Variants in CERS6 observed in about 807,000 individuals in gnomAD.
The protein encoded by CERS6 is ceramide synthase 6, also known as LAG1 homolog, ceramide synthase 6.
In CERS6, 26 loss-of-function variants were observed where a neutral mutation model predicts 56.8. That is an observed-to-expected ratio of 0.46 (90% CI 0.34 to 0.63). CERS6 has a LOEUF of 0.63. Ranked by LOEUF, CERS6 falls within the 30% of genes least tolerant of loss-of-function variation. The pLI is 0.01. For synonymous variants in CERS6, 164 were observed against 173.3 expected (o/e 0.95, Z 0.42); for missense variants, 415 against 467.5 (o/e 0.89, Z 1.04).
intron 4 of CERS6, among the ~76,000 whole-genome samples, chr2:168,679,909 A>T (rs949318121): frequency 1.3e-5 from 2 of 152,180 alleles, no homozygotes; most frequent in African/African-American, 4.8e-5. Context: ...GCAGCCTCCT[A>T]TGTGCTTAGA....
chr2:168,570,744 C>T (rs553912208), intron 3 of CERS6, among the ~76,000 whole-genome samples: 28 of 152,090 alleles, frequency 1.8e-4, no homozygotes, highest in Non-Finnish European at 3.7e-4. Context: ...AGCTCTGTTA[C>T]CCCTAGCAAG....
intron 1 of CERS6, among the ~76,000 whole-genome samples, chr2:168,525,483 A>G (rs1695054104): frequency 6.6e-6 from 1 of 152,224 alleles, no homozygotes; most frequent in South Asian, 2.1e-4. Flanking sequence ...GAGAGTCTGC[A>G]TTTTTAATAT....
At chr2:168,566,780 C>A (rs1399313682) in intron 3 of CERS6, among the ~76,000 whole-genome samples, 2 of 134,268 alleles carry the variant, frequency 1.5e-5, no homozygotes, top group South Asian at 2.7e-4. Context: ...AACATGTTTT[C>A]ATAAACAGCC....
chr2:168,647,533 G>A (rs756989509), intron 4 of CERS6, among the ~76,000 whole-genome samples: 13 of 152,000 alleles, frequency 8.6e-5, no homozygotes, highest in South Asian at 2.1e-4. Context: ...TTGCTCTTGC[G>A]AGGACTTCTA....
intron 4 of CERS6, among the ~76,000 whole-genome samples, chr2:168,631,812 T>TA (rs1574114314): frequency 1.6e-5 from 2 of 125,368 alleles, no homozygotes; most frequent in African/African-American, 2.9e-5. Context: ...TATTATATAA[T>TA]TTATTATATA....
At chr2:168,505,398 AAAAG>A (rs1235817294) in intron 1 of CERS6, among the ~76,000 whole-genome samples, 13 of 150,172 alleles carry the variant, frequency 8.7e-5, no homozygotes, top group Non-Finnish European at 1.5e-4. Flanking sequence ...AAAAAAAAAA[AAAAG>A]AAAAAAAAAG....
chr2:168,492,755 GT>G (rs1377237816), intron 1 of CERS6, among the ~76,000 whole-genome samples: 1 of 151,994 alleles, frequency 6.6e-6, no homozygotes, highest in Non-Finnish European at 1.5e-5. Context: ...TAGGTCTTAC[GT>G]TTAAGTTTTC....
chr2:168,747,629 T>C (rs1388950570), intron 8 of CERS6, among the ~76,000 whole-genome samples: 1 of 152,220 alleles, frequency 6.6e-6, no homozygotes, highest in African/African-American at 2.4e-5. Context: ...TTGAGTGGTT[T>C]CATTTTATTT....
intron 4 of CERS6, among the ~76,000 whole-genome samples, chr2:168,645,116 A>AAAAATATAT (rs1553503146): frequency 1.1e-4 from 2 of 19,034 alleles, no homozygotes; most frequent in African/African-American, 1.6e-4. Context: ...AAAAAAAAAA[A>AAAAATATAT]ATATATATAT....
chr2:168,557,386 A>G (rs1695703779), intron 2 of CERS6, among the ~76,000 whole-genome samples: 1 of 152,198 alleles, frequency 6.6e-6, no homozygotes, highest in Admixed American at 6.5e-5. Flanking sequence ...TGAAAATACT[A>G]ACAGGGTTCC....
intron 8 of CERS6, among the ~76,000 whole-genome samples, chr2:168,719,892 G>T (rs1227056819): frequency 6.6e-6 from 1 of 151,782 alleles, no homozygotes; most frequent in Non-Finnish European, 1.5e-5. Context: ...AAGATGAAAG[G>T]TGATATCCAT....
intron 1 of CERS6, among the ~76,000 whole-genome samples, chr2:168,538,091 C>T (rs1695298108): frequency 6.6e-6 from 1 of 152,168 alleles, no homozygotes; most frequent in Non-Finnish European, 1.5e-5. Flanking sequence ...TTGCAGCAGC[C>T]TCCCAGTTAG....
At chr2:168,643,170 C>T (rs1193438465) in intron 4 of CERS6, among the ~76,000 whole-genome samples, 1 of 152,120 alleles carries the variant, frequency 6.6e-6, no homozygotes, top group African/African-American at 2.4e-5. Context: ...CAGCCCCTTC[C>T]ATCCTCACCT....
In CERS6 at chr2:168,620,062, C is replaced by CACACACACACACACATATACATAT. The variant is rs1439012361; in HGVS notation, c.408-10922_408-10921insCACACACACACACATATACATATA. Among the ~76,000 whole-genome samples the CACACACACACACACATATACATAT allele has an allele frequency of 5.3e-4, 37 of 70,024 alleles. 1 individual carries two copies. The highest frequency in any genetic ancestry group is 4.5e-3 in the Admixed American group (32 of 7,174). The allele number at this position is 70,024 out of a possible 152,430, so 45.9% of individuals were successfully genotyped here. On this transcript the variant is annotated intron_variant, in intron 3 of 9. Transcript: ENST00000305747. ...ACACACACACACACACACACACACA[C>CACACACACACACACATATACATAT]ATATTTATATATATATGATCTAATA... is the stretch of plus-strand genomic sequence containing the variant.
chr2:168,465,592 A>T (rs1422616137), intron 1 of CERS6, among the ~76,000 whole-genome samples: 2 of 152,214 alleles, frequency 1.3e-5, no homozygotes, highest in South Asian at 4.1e-4. Flanking sequence ...TACAGCATGA[A>T]TGAGCTTTGA....
chr2:168,557,075 G>A (rs1384008599), intron 2 of CERS6, among the ~76,000 whole-genome samples: 1 of 151,390 alleles, frequency 6.6e-6, no homozygotes, highest in Non-Finnish European at 1.5e-5. Flanking sequence ...AAGGTGGGAG[G>A]ATCACCTGAG....
chr2:168,734,317 T>C (rs1683646574), intron 8 of CERS6, among the ~76,000 whole-genome samples: 1 of 152,156 alleles, frequency 6.6e-6, no homozygotes, highest in Admixed American at 6.5e-5. Flanking sequence ...ATGCCTTGGC[T>C]CACACCCTGG....
intron 8 of CERS6, among the ~76,000 whole-genome samples, chr2:168,732,278 C>G (rs1683563821): frequency 6.6e-6 from 1 of 152,154 alleles, no homozygotes; most frequent in East Asian, 1.9e-4. Flanking sequence ...TGTCACGTTT[C>G]TCCACTCAAG....
chr2:168,630,833 G>A, intron 3 of CERS6, 152 bp from the exon 4 acceptor site: 1 of 428,002 alleles, frequency 2.3e-6, no homozygotes, highest in Non-Finnish European at 4.2e-6. Context: ...TATGGCTTCA[G>A]CTAGCACTGA....
Sources: gnomAD v4.1 joint callset for allele counts (sites outside exome capture counted in the v4.1 genomes callset) on GRCh38, gnomAD v4.1.1 for gene constraint, MANE v1.5 for transcripts, NCBI Gene and HGNC (gene_info 2026-07-23, HGNC 2026-07-21) for gene names.